Variants in TNPO3 observed in about 807,000 individuals in gnomAD.
TNPO3 encodes the protein transportin 3.
A neutral mutation model predicts 122.8 loss-of-function variants in TNPO3; 65 were observed. That is an observed-to-expected ratio of 0.53 (90% CI 0.43 to 0.65). The LOEUF (loss-of-function observed/expected upper bound fraction) is 0.65, where lower values mean the gene tolerates loss of function less well. Ranked by LOEUF, TNPO3 falls within the 30% of genes least tolerant of loss-of-function variation. The probability of loss-of-function intolerance (pLI) is 0.00; values close to 1 mark genes in which losing one functional copy is unlikely to be tolerated. For synonymous variants in TNPO3, 372 were observed against 411.2 expected (o/e 0.90, Z 1.15); for missense variants, 850 against 1,136.7 (o/e 0.75, Z 3.63).
At chr7:128,955,980 G>A (rs1389979597) in intron 22 of TNPO3, among the ~76,000 whole-genome samples, 2 of 152,118 alleles carry the variant, frequency 1.3e-5, no homozygotes, top group Non-Finnish European at 2.9e-5. Flanking sequence ...AACAAATCCA[G>A]AAAAGCAGAT....
intron 1 of TNPO3, among the ~76,000 whole-genome samples, chr7:129,049,992 GGA>G (rs1196722295): frequency 6.6e-6 from 1 of 152,180 alleles, no homozygotes; most frequent in Non-Finnish European, 1.5e-5. Context: ...AGGAGACTGA[GGA>G]GAGAGGATTG....
In TNPO3 at chr7:128,997,600, A is replaced by G; in HGVS notation, c.1012-65T>C. 6 of 1,359,620 alleles carry G rather than the reference A, an allele frequency of 4.4e-6. 1 individual carries two copies. The highest frequency in any genetic ancestry group is 6.2e-6 in the Non-Finnish European group (6 of 961,808). The allele number at this position is 1,359,620 out of a possible 1,614,324, so 84.2% of individuals were successfully genotyped here. A position where few individuals can be genotyped will look rare whatever the true frequency, so the allele number is the denominator to read the frequency against. ...GAATAGAATAAGAAGACATTTTATT[A>G]TCACCACGACCATATAGGAAGAAAG... On this transcript the variant is annotated intron_variant, in intron 7 of 22. Transcript: ENST00000265388.
intron 4 of TNPO3, among the ~76,000 whole-genome samples, chr7:129,012,003 CTT>C (rs1174882837): frequency 1.3e-4 from 17 of 131,694 alleles, no homozygotes; most frequent in South Asian, 2.4e-4. Context: ...CTTTTTCTTT[CTT>C]TTTTTTTTTT....
intron 8 of TNPO3, 64 bp downstream of exon 8, chr7:128,997,325 T>G: frequency 6.4e-7 from 1 of 1,574,068 alleles, no homozygotes; most frequent in East Asian, 2.2e-5. Flanking sequence ...TCTCAGTTCC[T>G]TTTCAAGTTG....
chr7:129,009,037 G>A lies in TNPO3; in HGVS notation c.553-3878C>T, dbSNP rs1802892678. On this transcript the variant is annotated intron_variant, in intron 4 of 22. Transcript: ENST00000265388. ...TAACAGTTATCTTCTGTTCCTCTTT[G>A]AGAGCTATGCTATGTTAAAAATCTG... 5.3e-5 allele frequency among the ~76,000 whole-genome samples: 8 copies of A among 152,256 alleles called. No homozygotes were observed. The South Asian group carries it at 1.7e-3, about 32-fold the overall frequency.
chr7:128,996,135 C>T lies in TNPO3; in HGVS notation c.1158+1254G>A, dbSNP rs112536222. Among the ~76,000 whole-genome samples the T allele has an allele frequency of 9.7e-3, 1,481 of 152,172 alleles. 12 individuals are homozygous for T. Among genetic ancestry groups the T allele is most frequent in the African/African-American group, 0.034 (1,404 of 41,500 alleles). On this transcript the variant is annotated intron_variant, in intron 8 of 22. Coordinates refer to ENST00000265388, the MANE Select transcript of TNPO3 (RefSeq NM_012470.4). ...TAACATTAAAATTAAGAGAACAGCA[C>T]GTGGGATTTAATTGTAAGCAATAAA... is the stretch of plus-strand genomic sequence containing the variant.
intron 1 of TNPO3, among the ~76,000 whole-genome samples, chr7:129,044,177 C>G (rs772585588): frequency 2.6e-5 from 4 of 152,230 alleles, no homozygotes; most frequent in Non-Finnish European, 4.4e-5. Flanking sequence ...ATCTGCCTGC[C>G]TTGGCCTCCC....
Position 128,979,004 on chromosome 7 carries a change from C to G in TNPO3, c.2040G>C (p.Leu680=), listed in dbSNP as rs563843073. Reference sequence around the variant, plus strand: ...TTACCTGTGTGACTAGTGGCTGCAGCAGTGCTGCAGATCCTTTGCCTACAC... The same window carrying G: ...TTACCTGTGTGACTAGTGGCTGCAGGAGTGCTGCAGATCCTTTGCCTACAC... ...VRCVGKGSAA[L]LQPLVTQMVN... is the part of the protein sequence containing the mutation. The change falls in exon 16 of 23, where the codon CTG becomes CTC. Residue 680 remains leucine (L), a synonymous_variant. Transcript: ENST00000265388. 6.2e-7 allele frequency: 1 copy of G among 1,614,134 alleles called. No homozygotes were observed. Among genetic ancestry groups the G allele is most frequent in the African/African-American group, 1.3e-5 (1 of 75,072 alleles).
chr7:128,979,159 A>G (rs767036105), intron 15 of TNPO3, 36 bp from the exon 16 acceptor site: 1 of 1,611,030 alleles, frequency 6.2e-7, no homozygotes, highest in South Asian at 1.1e-5. Flanking sequence ...GAAAGAAAAT[A>G]ATCAACAACT....
At chr7:128,992,384 C>T (rs1260489317) in intron 9 of TNPO3, among the ~76,000 whole-genome samples, 1 of 152,016 alleles carries the variant, frequency 6.6e-6, no homozygotes, top group African/African-American at 2.4e-5. Flanking sequence ...GTGTCTTTTC[C>T]TGGTCCTGAT....
intron 12 of TNPO3, among the ~76,000 whole-genome samples, chr7:128,984,911 A>G (rs1799993046): frequency 6.6e-6 from 1 of 152,216 alleles, no homozygotes; most frequent in Admixed American, 6.5e-5. Context: ...AAAATAGGTT[A>G]AAAAGAAAAA....
chr7:129,044,837 C>G (rs553754176), intron 1 of TNPO3, among the ~76,000 whole-genome samples: 2 of 152,300 alleles, frequency 1.3e-5, no homozygotes, highest in African/African-American at 4.8e-5. Context: ...CCATATGATA[C>G]AGCAATTCTA....
chr7:129,020,601 G>A (rs1348075685), intron 1 of TNPO3, among the ~76,000 whole-genome samples: 3 of 151,906 alleles, frequency 2.0e-5, no homozygotes, highest in Non-Finnish European at 2.9e-5. Context: ...TACCACACCC[G>A]GCTAATTTTT....
Position 128,972,566 on chromosome 7 carries a change from G to C in TNPO3, c.2290C>G (p.Pro764Ala), listed in dbSNP as rs761072106. 2.5e-6 allele frequency: 4 copies of C among 1,613,632 alleles called. No individual in the cohort carries two copies. The highest frequency in any genetic ancestry group is 2.2e-5 in the East Asian group (1 of 44,890). The change falls in exon 19 of 23, where the codon CCT becomes GCT. Residue 764 changes from proline to alanine, a missense_variant. Physicochemically the swap from Pro to Ala is conservative, Grantham distance 27. Coordinates refer to ENST00000265388, the MANE Select transcript of TNPO3 (RefSeq NM_012470.4). ...RLATRFIQRS[P>A]VTLLRSQVVI... ...ACTTGGCTCCGCAGCAAGGTGACAG[G>C]GCTACGCTGAATAAACCTGGTGTGG...
chr7:129,000,329 A>G (rs1801797829), intron 7 of TNPO3, 100 bp downstream of exon 7: 1 of 1,282,940 alleles, frequency 7.8e-7, no homozygotes, highest in Non-Finnish European at 1.1e-6. Flanking sequence ...CAAGACTGTA[A>G]TTTCTCAACA....
At position 128,967,409 on chromosome 7, in the gene TNPO3, G is replaced by A; in HGVS notation, c.2599-17C>T. 1 of 1,545,746 alleles carries A rather than the reference G, an allele frequency of 6.5e-7. No homozygotes were observed. On this transcript the variant is annotated splice_polypyrimidine_tract_variant and intron_variant, in intron 20 of 22. Coordinates refer to ENST00000265388, the MANE Select transcript of TNPO3 (RefSeq NM_012470.4). ...ACAAAAAGTCTGTATAGGAAAGAGGGGTAAGAGTTTTAAAAGGAAGCATAG... is the reference window on the plus strand; with the variant it reads ...ACAAAAAGTCTGTATAGGAAAGAGGAGTAAGAGTTTTAAAAGGAAGCATAG...
intron 12 of TNPO3, among the ~76,000 whole-genome samples, chr7:128,984,757 G>A (rs1210322776): frequency 6.6e-6 from 1 of 152,074 alleles, no homozygotes; most frequent in Non-Finnish European, 1.5e-5. Context: ...TTTTCTTTGG[G>A]CTTCAGTTTC....
chr7:128,984,145 A>G, intron 13 of TNPO3, 23 bp downstream of exon 13: 1 of 1,451,938 alleles, frequency 6.9e-7, no homozygotes, highest in South Asian at 1.3e-5. Flanking sequence ...TATTTGTTTC[A>G]CACCTTCCTT....
intron 1 of TNPO3, among the ~76,000 whole-genome samples, chr7:129,051,800 C>T (rs868592046): frequency 4.6e-5 from 7 of 152,172 alleles, no homozygotes; most frequent in African/African-American, 1.2e-4. Flanking sequence ...CGCACCACCA[C>T]GCCCAGCTAA....
Sources: allele counts gnomAD v4.1 joint callset (sites outside exome capture counted in the v4.1 genomes callset), GRCh38; gene constraint gnomAD v4.1.1; transcripts MANE v1.5; gene names NCBI Gene and HGNC (gene_info 2026-07-23, HGNC 2026-07-21).